CNTN4: variants seen among roughly 807,000 people sequenced by gnomAD.
CNTN4 encodes the protein contactin-4.
CNTN4 carries 77 observed loss-of-function variants against 122.5 expected under a neutral mutation model. The ratio of observed to expected loss-of-function variants is 0.63; its 90% confidence interval spans 0.52 to 0.76. CNTN4 has a LOEUF of 0.76. CNTN4 is among the 30% of genes least tolerant of loss of function. The probability of loss-of-function intolerance (pLI) is 0.00; values close to 1 mark genes in which losing one functional copy is unlikely to be tolerated. For missense variants in CNTN4, 1,256 were observed against 1,259.1 expected, an observed-to-expected ratio of 1.00 and a Z score of 0.04; for synonymous variants, 512 against 447.0, an observed-to-expected ratio of 1.15 and a Z score of -1.83.
chr3:2,467,580 G>A (rs998209848), intron 3 of CNTN4, among the ~76,000 whole-genome samples: 16 of 152,136 alleles, frequency 1.1e-4, no homozygotes, highest in African/African-American at 2.9e-4. Context: ...CCTCAAATGC[G>A]AATAGTAATA....
At chr3:2,442,762 A>G (rs2048485177) in intron 3 of CNTN4, among the ~76,000 whole-genome samples, 1 of 152,200 alleles carries the variant, frequency 6.6e-6, no homozygotes, top group South Asian at 2.1e-4. Context: ...TCTTTGACAG[A>G]TAAGATCCAG....
At chr3:2,686,284 C>T (rs1327487064) in intron 4 of CNTN4, among the ~76,000 whole-genome samples, 2 of 152,106 alleles carry the variant, frequency 1.3e-5, no homozygotes, top group East Asian at 3.8e-4. Context: ...CCAAATCTAC[C>T]TCCTTATAAC....
intron 14 of CNTN4, among the ~76,000 whole-genome samples, chr3:2,990,691 CA>C (rs1306274806): frequency 6.6e-6 from 1 of 152,178 alleles, no homozygotes; most frequent in Non-Finnish European, 1.5e-5. Context: ...GCAAAGCCTA[CA>C]AATATATCAG....
At chr3:2,208,255 A>C (rs1392045549) in intron 2 of CNTN4, among the ~76,000 whole-genome samples, 4 of 152,152 alleles carry the variant, frequency 2.6e-5, no homozygotes, top group South Asian at 2.1e-4. Context: ...CAAAACAGCA[A>C]CATTACCAGA....
intron 23 of CNTN4, among the ~76,000 whole-genome samples, chr3:3,050,499 C>T (rs1414569786): frequency 6.6e-6 from 1 of 151,994 alleles, no homozygotes; most frequent in African/African-American, 2.4e-5. Flanking sequence ...CACGGTGGCT[C>T]ACACCTGTAA....
At chr3:2,375,781 G>A (rs961784842) in intron 3 of CNTN4, among the ~76,000 whole-genome samples, 3 of 152,026 alleles carry the variant, frequency 2.0e-5, no homozygotes, top group Admixed American at 6.5e-5. Flanking sequence ...TAAAGTTAGA[G>A]GACATATGGT....
intron 2 of CNTN4, among the ~76,000 whole-genome samples, chr3:2,157,352 G>A (rs2035765992): frequency 6.6e-6 from 1 of 152,074 alleles, no homozygotes; most frequent in African/African-American, 2.4e-5. Flanking sequence ...TGAGACAGGT[G>A]GGGAAGTCCA....
At chr3:2,168,732 T>C (rs983436331) in intron 2 of CNTN4, among the ~76,000 whole-genome samples, 1 of 152,284 alleles carries the variant, frequency 6.6e-6, no homozygotes, top group African/African-American at 2.4e-5. Context: ...ATGTATGATA[T>C]TAAATTTAAA....
At chr3:2,655,166 C>T (rs1041807085) in intron 4 of CNTN4, among the ~76,000 whole-genome samples, 6 of 152,108 alleles carry the variant, frequency 3.9e-5, no homozygotes, top group African/African-American at 1.4e-4. Flanking sequence ...TTTATTCCTC[C>T]TCCCTCCAGT....
At chr3:2,819,700 C>T in intron 7 of CNTN4, 119 bp downstream of exon 7, 1 of 827,202 alleles carries the variant, frequency 1.2e-6, no homozygotes, top group South Asian at 1.4e-5. Flanking sequence ...CCCAAAGCCC[C>T]TCCATGTGGA....
At chr3:2,498,955 A>T (rs2076524232) in intron 3 of CNTN4, among the ~76,000 whole-genome samples, 1 of 151,740 alleles carries the variant, frequency 6.6e-6, no homozygotes. Flanking sequence ...ACACCAGGCT[A>T]ATTTTTGTAT....
chr3:2,299,403 G>A (rs1358797669), intron 2 of CNTN4, among the ~76,000 whole-genome samples: 1 of 152,020 alleles, frequency 6.6e-6, no homozygotes, highest in Non-Finnish European at 1.5e-5. Context: ...TTTTGAGATT[G>A]TAGTGGACCC....
intron 3 of CNTN4, among the ~76,000 whole-genome samples, chr3:2,433,955 G>A (rs1165233363): frequency 6.6e-6 from 1 of 152,154 alleles, no homozygotes; most frequent in African/African-American, 2.4e-5. Flanking sequence ...ATTTTACAAA[G>A]TTGAACTCAT....
intron 7 of CNTN4, among the ~76,000 whole-genome samples, chr3:2,847,816 G>C (rs2093480140): frequency 6.6e-6 from 1 of 152,130 alleles, no homozygotes; most frequent in Non-Finnish European, 1.5e-5. Flanking sequence ...GATACTCTTA[G>C]GGAATGCCAG....
At chr3:2,575,686 A>G (rs1378682183) in intron 4 of CNTN4, among the ~76,000 whole-genome samples, 1 of 152,178 alleles carries the variant, frequency 6.6e-6, no homozygotes, top group Admixed American at 6.5e-5. Flanking sequence ...TCCTGAACAC[A>G]GTAAATACAT....
intron 10 of CNTN4, among the ~76,000 whole-genome samples, chr3:2,891,327 G>T (rs2094037698): frequency 6.6e-6 from 1 of 152,030 alleles, no homozygotes; most frequent in Non-Finnish European, 1.5e-5. Flanking sequence ...CATGCCGGTA[G>T]TCCCAACTAC....
intron 4 of CNTN4, among the ~76,000 whole-genome samples, chr3:2,576,081 C>A (rs2079666005): frequency 6.6e-6 from 1 of 152,060 alleles, no homozygotes; most frequent in Non-Finnish European, 1.5e-5. Context: ...GTGATCTGCC[C>A]ACCTCGGCCT....
intron 16 of CNTN4, 95 bp from the exon 17 acceptor site, chr3:3,034,537 A>G (rs2125701626): frequency 1.5e-6 from 2 of 1,290,404 alleles, no homozygotes; most frequent in Middle Eastern, 1.8e-4. Flanking sequence ...ATGGGTAGAT[A>G]AATGAATGGG....
At chr3:2,990,235 G>T (rs1221520553) in intron 14 of CNTN4, among the ~76,000 whole-genome samples, 1 of 152,196 alleles carries the variant, frequency 6.6e-6, no homozygotes, top group East Asian at 1.9e-4. Flanking sequence ...GATTAACAGG[G>T]TGTCTGGCAC....
Sources: allele counts gnomAD v4.1 joint callset (sites outside exome capture counted in the v4.1 genomes callset), GRCh38; gene constraint gnomAD v4.1.1; transcripts MANE v1.5; gene names NCBI Gene and HGNC (gene_info 2026-07-23, HGNC 2026-07-21).